Variants in INSC observed in about 807,000 individuals in gnomAD.
INSC encodes protein inscuteable homolog.
Under a neutral mutation model 58.6 loss-of-function variants are expected in INSC, and 67 were observed. The observed-to-expected ratio is 1.14, with a 90% CI of 0.94 to 1.40. INSC has a LOEUF of 1.40. INSC is among the 40% of genes most tolerant of loss of function. INSC has a pLI of 0.00. For missense variants in INSC, 714 were observed against 692.0 expected, an observed-to-expected ratio of 1.03 and a Z score of -0.36; for synonymous variants, 262 against 276.1, an observed-to-expected ratio of 0.95 and a Z score of 0.51.
At chr11:15,261,724 A>T in the INSC span, among the ~76,000 whole-genome samples, 2 of 152,186 alleles carry the variant, frequency 1.3e-5, no homozygotes, top group Non-Finnish European at 2.9e-5. Context: ...GCACAAGTTA[A>T]GATACAGAAC....
At chr11:15,200,980 G>A (rs780988776) in intron 7 of INSC, 31 bp downstream of exon 7, 1 of 1,571,590 alleles carries the variant, frequency 6.4e-7, no homozygotes, top group South Asian at 1.2e-5. Flanking sequence ...GGTGCCTGAG[G>A]TCCTCAAGCC....
At chr11:15,176,241 T>C (rs1392255169) in intron 3 of INSC, among the ~76,000 whole-genome samples, 155 bp downstream of exon 3, 2 of 152,142 alleles carry the variant, frequency 1.3e-5, no homozygotes, top group Non-Finnish European at 2.9e-5. Flanking sequence ...GAATCTTTAC[T>C]GAGTGCCTAC....
chr11:15,160,788 G>C (rs1848991063), intron 2 of INSC, among the ~76,000 whole-genome samples: 1 of 152,148 alleles, frequency 6.6e-6, no homozygotes, highest in Non-Finnish European at 1.5e-5. Flanking sequence ...ATGTTCCTTG[G>C]CTTTCTGAAA....
rs1291284291 is a variant in INSC at position 15,176,086 on chromosome 11, G to C, written c.402G>C (p.Glu134Asp). 2.0e-6 allele frequency: 3 copies of C among 1,510,786 alleles called. No individual in the cohort carries two copies. The highest frequency in any genetic ancestry group is 4.0e-5 in the Admixed American group (2 of 49,610). 93.6% of individuals were successfully genotyped at this position (1,510,786 alleles called of 1,614,324 possible). ...VSRNSLKEMG[E>D]IEKLLMEKCS... ...GGAACTCCTTGAAGGAAATGGGCGA[G>C]GTCAGCTGCCCTGGGATAGGAGTGG... Residue 134 changes from glutamate to aspartate, a missense_variant and splice_region_variant, in exon 3 of 13, where the codon GAG becomes GAC. Transcript: ENST00000379556.
chr11:15,230,131 A>G (rs1362132548), intron 9 of INSC, among the ~76,000 whole-genome samples: 1 of 142,288 alleles, frequency 7.0e-6, no homozygotes, highest in Non-Finnish European at 1.5e-5. Context: ...TGGAGGTTAC[A>G]GTGAGCCAAG....
At chr11:15,197,587 C>T (rs1271902795) in intron 6 of INSC, among the ~76,000 whole-genome samples, 3 of 152,142 alleles carry the variant, frequency 2.0e-5, no homozygotes, top group Admixed American at 1.3e-4. Context: ...TTGTTTGGGT[C>T]CTTCATCTAT....
intron 1 of INSC, among the ~76,000 whole-genome samples, chr11:15,136,407 G>A (rs1848246201): frequency 6.6e-6 from 1 of 151,898 alleles, no homozygotes; most frequent in Non-Finnish European, 1.5e-5. Flanking sequence ...CTTAAAATAA[G>A]GCAACAGTAA....
chr11:15,179,648 T>C (rs1306700449), intron 5 of INSC, among the ~76,000 whole-genome samples: 2 of 152,094 alleles, frequency 1.3e-5, no homozygotes, highest in Non-Finnish European at 2.9e-5. Flanking sequence ...CAAGGGCCAC[T>C]CTCCATGTCT....
chr11:15,241,632 T>C, intron 12 of INSC: 1 of 703,016 alleles, frequency 1.4e-6, no homozygotes, highest in Non-Finnish European at 2.6e-6. Context: ...GGTTTTTATT[T>C]TGGCACATTC....
At chr11:15,238,633 A>G (rs1196381460) in intron 10 of INSC, among the ~76,000 whole-genome samples, 1 of 152,332 alleles carries the variant, frequency 6.6e-6, no homozygotes. Flanking sequence ...TGCATTTACT[A>G]TGCATTTAGC....
At chr11:15,210,747 A>C (rs1234823286) in intron 7 of INSC, among the ~76,000 whole-genome samples, 2 of 152,098 alleles carry the variant, frequency 1.3e-5, no homozygotes, top group Middle Eastern at 6.3e-3. Context: ...TGGCACTCTC[A>C]GCCACCCCTG....
chr11:15,156,409 TA>T (rs1174227246), intron 2 of INSC, among the ~76,000 whole-genome samples: 1 of 152,216 alleles, frequency 6.6e-6, no homozygotes, highest in Non-Finnish European at 1.5e-5. Flanking sequence ...GAGCACAGCA[TA>T]ATAATTAAGA....
intron 5 of INSC, among the ~76,000 whole-genome samples, chr11:15,180,494 G>C (rs892136840): frequency 2.0e-5 from 3 of 151,968 alleles, no homozygotes; most frequent in African/African-American, 7.3e-5. Context: ...AATCCATTCT[G>C]CTATTTCTTC....
At chr11:15,240,854 A>G (rs1564924550) in intron 12 of INSC, among the ~76,000 whole-genome samples, 1 of 152,192 alleles carries the variant, frequency 6.6e-6, no homozygotes, top group Non-Finnish European at 1.5e-5. Flanking sequence ...TGCCTGCAGA[A>G]CATGGGAGCT....
At chr11:15,127,566 G>C (rs1848026159) in intron 1 of INSC, among the ~76,000 whole-genome samples, 1 of 152,220 alleles carries the variant, frequency 6.6e-6, no homozygotes, top group Non-Finnish European at 1.5e-5. Flanking sequence ...ATACTTGGCA[G>C]AGGGCTTCCA....
rs147629470 is a variant in INSC, at chr11:15,157,577, G to A, written c.56+8347G>A. ...CTGTGTAATCAGACTTTTCATAGTGGGGTCAAGCAGCAAATCCAGTAGGAG... is the reference window on the plus strand; with the variant it reads ...CTGTGTAATCAGACTTTTCATAGTGAGGTCAAGCAGCAAATCCAGTAGGAG... On this transcript the variant is annotated intron_variant, in intron 2 of 12. Coordinates refer to ENST00000379556, the MANE Select transcript of INSC (RefSeq NM_001042536.3). Among the ~76,000 whole-genome samples, 33 of 152,278 alleles carry A rather than the reference G, an allele frequency of 2.2e-4. No homozygotes were observed. The South Asian group carries it at 5.2e-3, about 24-fold the overall frequency.
rs141274737 is a variant in INSC at position 15,197,785 on chromosome 11, A to G, written c.694-3039A>G. Among the ~76,000 whole-genome samples the G allele has an allele frequency of 2.6e-4, 39 of 152,232 alleles. 1 individual carries two copies. In the East Asian group the frequency reaches 7.2e-3, roughly 28 times the overall value. On this transcript the variant is annotated intron_variant, in intron 6 of 12. Transcript: ENST00000379556. ...TTCATCAAAATTATCCCCCCCACCAATAACTCCTCTGTTATTCCTTCCACC... is the reference window on the plus strand; with the variant it reads ...TTCATCAAAATTATCCCCCCCACCAGTAACTCCTCTGTTATTCCTTCCACC...
intron 1 of INSC, among the ~76,000 whole-genome samples, chr11:15,131,122 A>T (rs1349918596): frequency 6.6e-6 from 1 of 151,930 alleles, no homozygotes; most frequent in African/African-American, 2.4e-5. Context: ...GAGAAGTTGG[A>T]GATTCTTTGA....
Position 15,169,381 on chromosome 11 carries a change from A to G in INSC, c.57-6360A>G, listed in dbSNP as rs188880207. On this transcript the variant is annotated intron_variant, in intron 2 of 12. Coordinates refer to ENST00000379556, the MANE Select transcript of INSC (RefSeq NM_001042536.3). ...GTGACCGCTTTTCTTTCCACTTCCC[A>G]GTTCTTTGAGGAAGGCTCTGTTCCT... Among the ~76,000 whole-genome samples the G allele has an allele frequency of 2.6e-5, 4 of 152,242 alleles. No homozygotes were observed. In the East Asian group the frequency reaches 7.7e-4, roughly 29 times the overall value.
Sources: allele counts gnomAD v4.1 joint callset (sites outside exome capture counted in the v4.1 genomes callset), GRCh38; gene constraint gnomAD v4.1.1; transcripts MANE v1.5; gene names NCBI Gene and HGNC (gene_info 2026-07-23, HGNC 2026-07-21).